The following KIF6 variants were observed in gnomAD, a reference collection of about 807,000 sequenced individuals.
The protein encoded by KIF6 is kinesin family member 6, also known as kinesin-like protein KIF6.
A neutral mutation model predicts 112.7 loss-of-function variants in KIF6; 106 were observed. The ratio of observed to expected loss-of-function variants is 0.94; its 90% CI spans 0.80 to 1.11. The LOEUF (loss-of-function observed/expected upper bound fraction) is 1.11, where lower values mean the gene tolerates loss of function less well. Among genes scored for constraint, KIF6 ranks in the 50% least tolerant of loss-of-function variants. The pLI is 0.00. For missense variants in KIF6, 929 were observed against 964.0 expected (o/e 0.96, Z 0.48); for synonymous variants, 339 against 339.9 (o/e 1.00, Z 0.03).
intron 13 of KIF6, among the ~76,000 whole-genome samples, chr6:39,433,710 T>C (rs1244842857): frequency 6.6e-6 from 1 of 152,208 alleles, no homozygotes; most frequent in Non-Finnish European, 1.5e-5. Context: ...GAAGCATAGC[T>C]GGAAGGCAAA....
chr6:39,653,615 AT>A, intron 3 of KIF6, among the ~76,000 whole-genome samples: 1 of 152,304 alleles, frequency 6.6e-6, no homozygotes, highest in Non-Finnish European at 1.5e-5. Context: ...CCAAAAAGGG[AT>A]TGCAACTTGT....
chr6:39,705,861 T>G (rs1789178912), intron 3 of KIF6, among the ~76,000 whole-genome samples: 2 of 152,176 alleles, frequency 1.3e-5, no homozygotes, highest in Non-Finnish European at 1.5e-5. Flanking sequence ...CTTCGCTTTC[T>G]CACTTCCCTA....
chr6:39,603,095 T>C (rs1037495827), intron 6 of KIF6, among the ~76,000 whole-genome samples: 4 of 152,164 alleles, frequency 2.6e-5, no homozygotes, highest in South Asian at 2.1e-4. Flanking sequence ...TTTGTTCTAG[T>C]GCGTAGTGAA....
chr6:39,591,820 C>T (rs1261694515), intron 7 of KIF6, among the ~76,000 whole-genome samples: 3 of 152,112 alleles, frequency 2.0e-5, no homozygotes. Context: ...GGTCATAAAA[C>T]CTGACTTTTT....
At chr6:39,448,376 T>C (rs1407766988) in intron 13 of KIF6, among the ~76,000 whole-genome samples, 1 of 152,108 alleles carries the variant, frequency 6.6e-6, no homozygotes, top group Non-Finnish European at 1.5e-5. Flanking sequence ...GGTTTCACGA[T>C]GTTGGCCAGG....
chr6:39,437,928 ATGAC>A (rs1771647380), intron 13 of KIF6, among the ~76,000 whole-genome samples: 1 of 152,096 alleles, frequency 6.6e-6, no homozygotes, highest in South Asian at 2.1e-4. Context: ...TTGATAATAA[ATGAC>A]TATTTTACTG....
At chr6:39,386,958 G>T (rs752002065) in intron 15 of KIF6, among the ~76,000 whole-genome samples, 1 of 152,122 alleles carries the variant, frequency 6.6e-6, no homozygotes, top group Non-Finnish European at 1.5e-5. Context: ...TACCTCCAAG[G>T]CTATAGCTGA....
At chr6:39,553,140 C>T (rs2150581675) in intron 10 of KIF6, among the ~76,000 whole-genome samples, 1 of 152,278 alleles carries the variant, frequency 6.6e-6, no homozygotes, top group East Asian at 1.9e-4. Flanking sequence ...ATTATATGCT[C>T]CCCTAGCCCT....
At chr6:39,609,128 TC>T (rs1443476473) in intron 6 of KIF6, among the ~76,000 whole-genome samples, 8 of 152,106 alleles carry the variant, frequency 5.3e-5, no homozygotes, top group African/African-American at 1.9e-4. Flanking sequence ...AAAGAAGGTC[TC>T]CAAAGCTCAT....
rs779961160 is a variant in KIF6 at position 39,596,164 on chromosome 6, G to A, written c.736C>T (p.Leu246Phe). 5.0e-6 allele frequency: 8 copies of A among 1,614,032 alleles called. No homozygotes were observed. The South Asian group carries it at 7.7e-5, about 16-fold the overall frequency. The change falls in exon 7 of 23, where the codon CTC (leucine) becomes TTC (phenylalanine). Residue 246 changes from leucine to phenylalanine, a missense_variant. Leu to Phe is a conservative substitution (Grantham distance 22). Around this residue, in one of 2 missense-constraint regions of KIF6, gnomAD observed 688 missense variants for 662.7 expected, o/e 1.04. Coordinates refer to ENST00000287152, the MANE Select transcript of KIF6 (RefSeq NM_145027.6). ...GAACCAGCCAGGTCAACCAGATGGA[G>A]TTTGGCATGTCGTACAGTTGCAGAT... Reference protein sequence around the residue: ...PGSATVRHAKLHLVDLAGSER... With the variant: ...PGSATVRHAKFHLVDLAGSER...
At chr6:39,623,466 G>A (rs952745120) in intron 5 of KIF6, among the ~76,000 whole-genome samples, 2 of 152,070 alleles carry the variant, frequency 1.3e-5, no homozygotes, top group East Asian at 1.9e-4. Context: ...ACAGAAAAAT[G>A]TACTATCTTG....
intron 13 of KIF6, among the ~76,000 whole-genome samples, chr6:39,501,194 C>T (rs1776115238): frequency 6.6e-6 from 1 of 152,114 alleles, no homozygotes; most frequent in Non-Finnish European, 1.5e-5. Context: ...ATGGGAAGAA[C>T]TGAGGCAACC....
Position 39,540,226 on chromosome 6 carries a change from AACTTG to A in KIF6, c.1427-10_1427-6del, listed in dbSNP as rs748753035. The A allele has an allele frequency of 2.5e-6, 4 of 1,583,666 alleles. No individual in the cohort carries two copies. The highest frequency in any genetic ancestry group is 3.4e-6 in the Non-Finnish European group (4 of 1,160,178). ...TTAACATGTTGACCAGGATATCTGA[AACTTG>A]ACTTAAGGATTTAATGCCTGATGCT... On this transcript the variant is annotated splice_region_variant and splice_polypyrimidine_tract_variant and intron_variant, in intron 12 of 22. Transcript: ENST00000287152.
intron 10 of KIF6, among the ~76,000 whole-genome samples, chr6:39,574,200 T>C (rs570110950): frequency 6.6e-6 from 1 of 152,334 alleles, no homozygotes; most frequent in Admixed American, 6.5e-5. Context: ...AATTCATTTA[T>C]GGAATACATG....
chr6:39,701,609 C>T (rs1416707643), intron 3 of KIF6, among the ~76,000 whole-genome samples: 1 of 152,240 alleles, frequency 6.6e-6, no homozygotes. Context: ...AATTTCAAGA[C>T]AGCAACCGCT....
rs1762829719 is a variant in KIF6, at chr6:39,334,088, G to A, written c.*2444C>T. On this transcript the variant is annotated 3_prime_UTR_variant, in exon 23 of 23. Coordinates refer to ENST00000287152, the MANE Select transcript of KIF6 (RefSeq NM_145027.6). Reference sequence around the variant, plus strand: ...TTCGGAGCAAAAGGCCCCTTGGCCAGTTGCTGCACACACTTTGCATATGCT... The same window carrying A: ...TTCGGAGCAAAAGGCCCCTTGGCCAATTGCTGCACACACTTTGCATATGCT... The A allele has an allele frequency of 6.6e-6, 1 of 152,290 alleles. No individual in the cohort carries two copies. The highest frequency in any genetic ancestry group is 1.5e-5 in the Non-Finnish European group (1 of 68,066). The allele number at this position is 152,290 out of a possible 1,614,324, so 9.4% of individuals were successfully genotyped here. A position where few individuals can be genotyped will look rare whatever the true frequency, so the allele number is the denominator to read the frequency against.
At chr6:39,629,749 A>C (rs1314818209) in intron 5 of KIF6, among the ~76,000 whole-genome samples, 1 of 152,004 alleles carries the variant, frequency 6.6e-6, no homozygotes, top group Non-Finnish European at 1.5e-5. Context: ...TGCATCTAAA[A>C]ACTCATTGGC....
chr6:39,617,953 T>G (rs923699797), intron 5 of KIF6, among the ~76,000 whole-genome samples: 1 of 152,192 alleles, frequency 6.6e-6, no homozygotes, highest in Non-Finnish European at 1.5e-5. Context: ...CCCCAACACA[T>G]TTTCTCAGAA....
At chr6:39,473,408 T>G (rs1774249081) in intron 13 of KIF6, among the ~76,000 whole-genome samples, 1 of 152,210 alleles carries the variant, frequency 6.6e-6, no homozygotes. Flanking sequence ...ATTTAATGGA[T>G]GATCTAGGAA....
Sources: allele counts gnomAD v4.1 joint callset (sites outside exome capture counted in the v4.1 genomes callset), GRCh38; gene constraint gnomAD v4.1.1; regional missense constraint gnomAD v4.1.1; transcripts MANE v1.5; gene names NCBI Gene and HGNC (gene_info 2026-07-23, HGNC 2026-07-21).